ANK3: variants seen among roughly 807,000 people sequenced by gnomAD.
ANK3 encodes ankyrin-3.
Under a neutral mutation model 370.9 loss-of-function variants are expected in ANK3, and 57 were observed. That is an observed-to-expected ratio of 0.15 (90% CI 0.12 to 0.19). The LOEUF (loss-of-function observed/expected upper bound fraction) is 0.19, where lower values mean the gene tolerates loss of function less well. Among genes scored for constraint, ANK3 ranks in the 10% least tolerant of loss-of-function variants. The pLI, the probability that ANK3 is intolerant of heterozygous loss-of-function variation, is 1.00. For missense variants in ANK3, 4,439 were observed against 5,302.1 expected (o/e 0.84, Z 5.06); for synonymous variants, 1,929 against 1,946.3 (o/e 0.99, Z 0.23).
At chr10:60,636,490 C>T (rs7068934) in intron 1 of ANK3, among the ~76,000 whole-genome samples, 100,946 of 152,042 alleles carry the variant, frequency 0.66, 33,805 homozygotes, top group South Asian at 0.82. Context: ...TACAAAATAC[C>T]TATGATTTGC....
chr10:60,568,612 A>G (rs1229914612), intron 2 of ANK3, among the ~76,000 whole-genome samples: 1 of 152,218 alleles, frequency 6.6e-6, no homozygotes, highest in Non-Finnish European at 1.5e-5. Context: ...AGCATCTGCT[A>G]AGTGAATTGA....
intron 1 of ANK3, among the ~76,000 whole-genome samples, chr10:60,719,129 C>A (rs929792521): frequency 1.3e-5 from 2 of 152,032 alleles, no homozygotes; most frequent in Non-Finnish European, 2.9e-5. Flanking sequence ...TAGTATTATG[C>A]AATACTCACT....
intron 2 of ANK3, among the ~76,000 whole-genome samples, chr10:60,430,183 T>C (rs2063983699): frequency 6.6e-6 from 1 of 152,228 alleles, no homozygotes; most frequent in South Asian, 2.1e-4. Flanking sequence ...AGATGGCTCA[T>C]AGGCTTGGAA....
intron 1 of ANK3, among the ~76,000 whole-genome samples, chr10:60,683,438 C>T (rs2079223748): frequency 1.3e-5 from 2 of 152,314 alleles, no homozygotes; most frequent in African/African-American, 4.8e-5. Context: ...GGACTGACTG[C>T]AGCCATATCA....
At chr10:60,145,580 C>G (rs767208951) in intron 23 of ANK3, among the ~76,000 whole-genome samples, 3 of 152,118 alleles carry the variant, frequency 2.0e-5, no homozygotes, top group Non-Finnish European at 4.4e-5. Context: ...ATTTAATTCT[C>G]ATAATCTTAT....
Position 60,085,197 on chromosome 10 carries a change from T to C in ANK3, c.3805A>G (p.Ile1269Val). The C allele has an allele frequency of 1.2e-6, 2 of 1,613,440 alleles. No homozygotes were observed. Reference sequence around the variant, plus strand: ...GTTGTAAAGGAGACACAATCTTTTATAAACGTCAAAGGAGTTGTTCCTGTG... The same window carrying C: ...GTTGTAAAGGAGACACAATCTTTTACAAACGTCAAAGGAGTTGTTCCTGTG... ...DITGTTPLTFIKDCVSFTTNV... is the reference protein window; with the variant it reads ...DITGTTPLTFVKDCVSFTTNV... The change falls in exon 31 of 44, where the codon ATA (isoleucine) becomes GTA (valine). Residue 1269 changes from isoleucine (I) to valine (V), a missense_variant. This residue lies in a region of ANK3 where 702 missense variants were observed against 941.5 expected (regional missense o/e 0.75). Coordinates refer to ENST00000280772, the MANE Select transcript of ANK3 (RefSeq NM_020987.5).
chr10:60,548,130 AC>A (rs2077009912), intron 2 of ANK3, among the ~76,000 whole-genome samples: 1 of 151,902 alleles, frequency 6.6e-6, no homozygotes, highest in Non-Finnish European at 1.5e-5. Flanking sequence ...ACAATAAATA[AC>A]ACATAGTTTC....
At chr10:60,655,259 C>T (rs1260268320) in intron 1 of ANK3, among the ~76,000 whole-genome samples, 3 of 151,302 alleles carry the variant, frequency 2.0e-5, no homozygotes, top group Non-Finnish European at 2.9e-5. Context: ...GCAGGTCCTT[C>T]TGGAAGTATT....
In ANK3 at chr10:60,544,790, T is replaced by C. The variant is rs1202367090; in HGVS notation, c.96+70396A>G. Among the ~76,000 whole-genome samples, 7 of 152,242 alleles carry C rather than the reference T, an allele frequency of 4.6e-5. No homozygotes were observed. The East Asian group carries it at 1.4e-3, about 29-fold the overall frequency. On this transcript the variant is annotated intron_variant, in intron 2 of 43. Coordinates refer to the ANK3 transcript ENST00000373827. ...CCTTAACCTAGGACAGTTGAAGAAGTCTAAATATTCATCACCAATGTTTGT... is the reference window on the plus strand; with the variant it reads ...CCTTAACCTAGGACAGTTGAAGAAGCCTAAATATTCATCACCAATGTTTGT...
At chr10:60,575,157 TG>T (rs1567158850) in intron 2 of ANK3, among the ~76,000 whole-genome samples, 1 of 152,212 alleles carries the variant, frequency 6.6e-6, no homozygotes, top group Non-Finnish European at 1.5e-5. Context: ...TATAAACGGG[TG>T]TTTAAATTAA....
intron 2 of ANK3, among the ~76,000 whole-genome samples, chr10:60,399,420 C>T (rs2063309988): frequency 6.6e-6 from 1 of 152,072 alleles, no homozygotes; most frequent in African/African-American, 2.4e-5. Context: ...AATTGTTATT[C>T]AGAGAAAGGG....
intron 42 of ANK3, 27 bp from the exon 43 acceptor site, chr10:60,042,786 T>A: frequency 1.2e-6 from 2 of 1,603,742 alleles, no homozygotes; most frequent in Admixed American, 3.4e-5. Flanking sequence ...CATATTAAGA[T>A]TTCACAGTGA....
chr10:60,075,313 A>G lies in ANK3; in HGVS notation c.5568T>C (p.Ile1856=). ...GATGTGTCTCCGTAGTCAATGTTTTAATGGGTGACAGCAAGGCTGCTGCTG... is the reference window on the plus strand; with the variant it reads ...GATGTGTCTCCGTAGTCAATGTTTTGATGGGTGACAGCAAGGCTGCTGCTG... ...TKSAAALLSP[I]KTLTTETHPQ... The change falls in exon 37 of 44, where the codon ATT becomes ATC. Residue 1856 remains isoleucine (I), a synonymous_variant. Coordinates refer to ENST00000280772, the MANE Select transcript of ANK3 (RefSeq NM_020987.5). 2.5e-6 allele frequency: 4 copies of G among 1,614,140 alleles called. No individual in the cohort carries two copies. The highest frequency in any genetic ancestry group is 3.4e-6 in the Non-Finnish European group (4 of 1,180,014).
chr10:60,347,460 G>C (rs140525464), intron 1 of ANK3, among the ~76,000 whole-genome samples: 2 of 151,986 alleles, frequency 1.3e-5, no homozygotes, highest in East Asian at 3.9e-4. Context: ...AGAAATGTGA[G>C]TCAAATCCCA....
intron 2 of ANK3, among the ~76,000 whole-genome samples, chr10:60,469,105 G>GTATATATA (rs370314200): frequency 0.059 from 844 of 14,332 alleles, 104 homozygotes; most frequent in Non-Finnish European, 0.067. Flanking sequence ...ACCACTTTTA[G>GTATATATA]TATATATATA....
At chr10:60,375,202 C>T (rs966817945) in intron 1 of ANK3, among the ~76,000 whole-genome samples, 3 of 152,130 alleles carry the variant, frequency 2.0e-5, no homozygotes, top group Non-Finnish European at 4.4e-5. Flanking sequence ...TAGTACATTA[C>T]AAGTAATCAA....
At chr10:60,059,904 A>T (rs1275648808) in intron 40 of ANK3, 1 of 1,614,060 alleles carries the variant, frequency 6.2e-7, no homozygotes, top group Non-Finnish European at 8.5e-7. Flanking sequence ...GGGAGATTCT[A>T]TGCTAGAGAT....
chr10:60,428,809 T>C (rs907263924), intron 2 of ANK3, among the ~76,000 whole-genome samples: 3 of 152,136 alleles, frequency 2.0e-5, no homozygotes, highest in African/African-American at 4.8e-5. Context: ...GTATTAAATA[T>C]GCATAAGCAA....
At chr10:60,148,623 A>G (rs963211316) in intron 23 of ANK3, among the ~76,000 whole-genome samples, 8 of 152,214 alleles carry the variant, frequency 5.3e-5, no homozygotes, top group Admixed American at 2.0e-4. Flanking sequence ...TCCTCTAAGT[A>G]AGATCAAACA....
Sources: allele counts gnomAD v4.1 joint callset (sites outside exome capture counted in the v4.1 genomes callset), GRCh38; gene constraint gnomAD v4.1.1; regional missense constraint gnomAD v4.1.1; transcripts MANE v1.5; gene names NCBI Gene and HGNC (gene_info 2026-07-23, HGNC 2026-07-21).